CDH12: variants seen among roughly 807,000 people sequenced by gnomAD.
The protein encoded by CDH12 is cadherin 12.
Under a neutral mutation model 74.1 loss-of-function variants are expected in CDH12, and 41 were observed. The observed-to-expected ratio is 0.55, with a 90% CI of 0.43 to 0.72. CDH12 has a LOEUF of 0.72. Among genes scored for constraint, CDH12 ranks in the 30% least tolerant of loss-of-function variants. The pLI, the probability that CDH12 is intolerant of heterozygous loss-of-function variation, is 0.00. For missense variants in CDH12, 945 were observed against 977.2 expected (o/e 0.97, Z 0.44); for synonymous variants, 399 against 355.0 (o/e 1.12, Z -1.39).
At chr5:22,032,707 CA>C (rs374314576) in intron 5 of CDH12, among the ~76,000 whole-genome samples, 3,620 of 127,770 alleles carry the variant, frequency 0.028, 120 homozygotes, top group African/African-American at 0.085. Context: ...GATTCCATCT[CA>C]AAAAAAAAAA....
In CDH12 at chr5:22,657,728, G is replaced by A. The variant is rs534995083; in HGVS notation, c.-522-152364C>T. ...AGAATTTCCCAAAGTATAAACTCAC[G>A]TGCTTTCAAAATAAGGCAAATTTAA... On this transcript the variant is annotated intron_variant, in intron 1 of 14. Coordinates refer to ENST00000382254, the MANE Select transcript of CDH12 (RefSeq NM_004061.5). 9.2e-5 allele frequency among the ~76,000 whole-genome samples: 14 copies of A among 152,132 alleles called. No individual in the cohort carries two copies. In the South Asian group the frequency reaches 1.0e-3, roughly 11 times the overall value.
At chr5:22,371,436 T>A (rs571113120) in intron 3 of CDH12, among the ~76,000 whole-genome samples, 1 of 152,316 alleles carries the variant, frequency 6.6e-6, no homozygotes, top group East Asian at 1.9e-4. Flanking sequence ...ATTCTATTTT[T>A]AAATTTGAAA....
At chr5:22,573,128 T>C (rs1168080836) in intron 1 of CDH12, among the ~76,000 whole-genome samples, 1 of 152,222 alleles carries the variant, frequency 6.6e-6, no homozygotes, top group African/African-American at 2.4e-5. Context: ...CTTGAGGAAC[T>C]TGTGCTAACA....
At chr5:22,014,007 A>G (rs1435350876) in intron 5 of CDH12, among the ~76,000 whole-genome samples, 1 of 152,138 alleles carries the variant, frequency 6.6e-6, no homozygotes, top group Non-Finnish European at 1.5e-5. Context: ...CAGGCAGATC[A>G]CTTTAGGTCA....
At chr5:21,989,470 G>A (rs1296683220) in intron 5 of CDH12, among the ~76,000 whole-genome samples, 65 of 152,148 alleles carry the variant, frequency 4.3e-4, no homozygotes, top group Non-Finnish European at 1.5e-5. Flanking sequence ...CTATTAGCAG[G>A]TAAAACATTT....
intron 6 of CDH12, among the ~76,000 whole-genome samples, chr5:21,924,112 C>G (rs1244722479): frequency 6.6e-6 from 1 of 152,106 alleles, no homozygotes; most frequent in East Asian, 1.9e-4. Context: ...CTGACTCAAA[C>G]TTGGAAATAG....
At chr5:22,185,199 C>CTTT (rs10656260) in intron 4 of CDH12, among the ~76,000 whole-genome samples, 49 of 138,098 alleles carry the variant, frequency 3.5e-4, no homozygotes, top group Middle Eastern at 3.8e-3. Context: ...CTCTCTCTCT[C>CTTT]TTTTTTTTTT....
intron 9 of CDH12, among the ~76,000 whole-genome samples, chr5:21,811,997 C>A (rs1747771278): frequency 6.6e-6 from 1 of 151,994 alleles, no homozygotes; most frequent in Admixed American, 6.6e-5. Flanking sequence ...ACCTGACCAT[C>A]ATTTTTGTTT....
Position 22,098,199 on chromosome 5 carries a change from T to C in CDH12, c.-186-19337A>G, listed in dbSNP as rs149195647. On this transcript the variant is annotated intron_variant, in intron 4 of 14. Coordinates refer to ENST00000382254, the MANE Select transcript of CDH12 (RefSeq NM_004061.5). ...CAGCAAATTACCTGGGCTGTACTGC[T>C]GCAAGTCTTCAAAGACAGCCCCCAT... Among the ~76,000 whole-genome samples, 893 of 152,212 alleles carry C rather than the reference T, an allele frequency of 5.9e-3. 8 individuals carry two copies. The highest frequency in any genetic ancestry group is 0.02 in the African/African-American group (825 of 41,518).
At chr5:22,034,651 AC>A (rs1739049150) in intron 5 of CDH12, among the ~76,000 whole-genome samples, 1 of 152,220 alleles carries the variant, frequency 6.6e-6, no homozygotes, top group Non-Finnish European at 1.5e-5. Flanking sequence ...AGGCTGGTGA[AC>A]AAAAAGTAAA....
intron 6 of CDH12, among the ~76,000 whole-genome samples, chr5:21,894,223 A>T (rs1454181885): frequency 2.0e-5 from 3 of 151,994 alleles, no homozygotes; most frequent in Admixed American, 6.6e-5. Context: ...TACTAAAAAT[A>T]CAAAAATTAG....
At chr5:22,367,705 T>C (rs1290916788) in intron 3 of CDH12, among the ~76,000 whole-genome samples, 1 of 152,176 alleles carries the variant, frequency 6.6e-6, no homozygotes, top group Non-Finnish European at 1.5e-5. Flanking sequence ...ATCAGGTAAA[T>C]ATAGAAGCCC....
At chr5:22,827,362 A>C (rs182699505) in intron 1 of CDH12, among the ~76,000 whole-genome samples, 1 of 152,348 alleles carries the variant, frequency 6.6e-6, no homozygotes, top group East Asian at 1.9e-4. Context: ...AATCCAAATA[A>C]CTTAAAACTG....
At chr5:22,370,538 C>T (rs888436011) in intron 3 of CDH12, among the ~76,000 whole-genome samples, 1 of 152,084 alleles carries the variant, frequency 6.6e-6, no homozygotes, top group South Asian at 2.1e-4. Flanking sequence ...TTTTATAGAA[C>T]CCTCCATTAT....
chr5:22,175,446 C>G (rs1191918006), intron 4 of CDH12, among the ~76,000 whole-genome samples: 2 of 151,764 alleles, frequency 1.3e-5, no homozygotes, highest in African/African-American at 4.8e-5. Flanking sequence ...TAATATAAAT[C>G]TATTTGGAAA....
chr5:22,153,300 A>C (rs187255862), intron 4 of CDH12, among the ~76,000 whole-genome samples: 5 of 151,096 alleles, frequency 3.3e-5, no homozygotes, highest in Non-Finnish European at 7.4e-5. Context: ...ATAAATTGCA[A>C]ATGCTGGTTT....
intron 1 of CDH12, among the ~76,000 whole-genome samples, chr5:22,703,285 T>A (rs1311075397): frequency 2.6e-5 from 4 of 152,126 alleles, no homozygotes; most frequent in Admixed American, 1.3e-4. Context: ...ACATCATGCT[T>A]ATTTATCTAA....
chr5:21,985,350 C>A (rs558265289), intron 5 of CDH12, among the ~76,000 whole-genome samples: 1 of 151,978 alleles, frequency 6.6e-6, no homozygotes, highest in African/African-American at 2.4e-5. Flanking sequence ...CTACTTAATA[C>A]GGACATCTTT....
At chr5:22,288,157 C>G (rs1737236481) in intron 3 of CDH12, among the ~76,000 whole-genome samples, 1 of 152,086 alleles carries the variant, frequency 6.6e-6, no homozygotes, top group Non-Finnish European at 1.5e-5. Flanking sequence ...GAGCCAGACC[C>G]ATTCTCTGGC....
Sources: allele counts gnomAD v4.1 joint callset (sites outside exome capture counted in the v4.1 genomes callset), GRCh38; gene constraint gnomAD v4.1.1; transcripts MANE v1.5; gene names NCBI Gene and HGNC (gene_info 2026-07-23, HGNC 2026-07-21).